Variants in NDST4 observed in about 807,000 individuals in gnomAD.
The protein encoded by NDST4 is N-deacetylase and N-sulfotransferase 4, also known as N-heparan sulfate sulfotransferase 4.
NDST4 carries 63 observed loss-of-function variants against 100.8 expected under a neutral mutation model. That is an observed-to-expected ratio of 0.62 (90% CI 0.51 to 0.77). The LOEUF is 0.77. Ranked by LOEUF, NDST4 falls within the 30% of genes least tolerant of loss-of-function variation. NDST4 has a pLI of 0.00. For synonymous variants in NDST4, 377 were observed against 361.8 expected, an observed-to-expected ratio of 1.04 and a Z score of -0.48; for missense variants, 943 against 1,018.4, an observed-to-expected ratio of 0.93 and a Z score of 1.01.
chr4:114,906,188 T>TA (rs995954559), intron 6 of NDST4, among the ~76,000 whole-genome samples: 1 of 151,892 alleles, frequency 6.6e-6, no homozygotes, highest in Non-Finnish European at 1.5e-5. Flanking sequence ...AATTCTATAT[T>TA]AAAAAAACAA....
chr4:114,839,320 A>G, intron 11 of NDST4, 58 bp downstream of exon 11: 1 of 1,456,298 alleles, frequency 6.9e-7, no homozygotes, highest in South Asian at 1.3e-5. Context: ...ATAATAAAAT[A>G]TAAAATTTCA....
At chr4:114,830,932 C>T (rs1419893285) in intron 12 of NDST4, among the ~76,000 whole-genome samples, 1 of 152,158 alleles carries the variant, frequency 6.6e-6, no homozygotes, top group Admixed American at 6.5e-5. Flanking sequence ...CTCTGCCCAA[C>T]CTATTATTAG....
intron 6 of NDST4, among the ~76,000 whole-genome samples, chr4:114,927,446 C>A (rs945269920): frequency 6.6e-6 from 1 of 151,896 alleles, no homozygotes; most frequent in Non-Finnish European, 1.5e-5. Context: ...TTAATTTATC[C>A]TTATATAATA....
intron 2 of NDST4, among the ~76,000 whole-genome samples, chr4:114,990,952 A>G (rs938440408): frequency 4.6e-5 from 7 of 152,016 alleles, no homozygotes; most frequent in Non-Finnish European, 8.8e-5. Context: ...TATTGCTCTA[A>G]GGCCTGAACA....
At chr4:114,880,535 G>C (rs988754751) in intron 6 of NDST4, among the ~76,000 whole-genome samples, 4 of 152,144 alleles carry the variant, frequency 2.6e-5, no homozygotes, top group Non-Finnish European at 5.9e-5. Flanking sequence ...ATCAGTGTAA[G>C]CTTCACTGAC....
chr4:115,055,524 G>A (rs955514055), intron 2 of NDST4, among the ~76,000 whole-genome samples: 1 of 152,092 alleles, frequency 6.6e-6, no homozygotes, highest in Admixed American at 6.6e-5. Context: ...TCATTTTGTT[G>A]TTTATTCATT....
chr4:114,847,607 C>T (rs1456979553), intron 9 of NDST4, among the ~76,000 whole-genome samples: 1 of 151,960 alleles, frequency 6.6e-6, no homozygotes, highest in Non-Finnish European at 1.5e-5. Flanking sequence ...GAGTGAAAAT[C>T]ATTTCCAGTA....
chr4:114,929,814 G>A (rs1446113612), intron 6 of NDST4, among the ~76,000 whole-genome samples: 1 of 149,734 alleles, frequency 6.7e-6, no homozygotes, highest in Non-Finnish European at 1.5e-5. Context: ...GGGGTATTGG[G>A]TTCAAAATAT....
intron 1 of NDST4, among the ~76,000 whole-genome samples, chr4:115,106,716 G>A (rs957300801): frequency 6.6e-6 from 1 of 152,062 alleles, no homozygotes; most frequent in African/African-American, 2.4e-5. Context: ...TGGACCCATG[G>A]ATACTAAGAA....
At chr4:114,877,879 G>T (rs1724289219) in intron 6 of NDST4, among the ~76,000 whole-genome samples, 1 of 151,972 alleles carries the variant, frequency 6.6e-6, no homozygotes, top group African/African-American at 2.4e-5. Flanking sequence ...TTCAACGCTG[G>T]AGGCAGAGTT....
intron 7 of NDST4, among the ~76,000 whole-genome samples, chr4:114,858,685 A>T (rs1405121302): frequency 6.6e-6 from 1 of 152,224 alleles, no homozygotes; most frequent in Non-Finnish European, 1.5e-5. Flanking sequence ...ATTTGAGTCC[A>T]GGAGTTGATG....
At chr4:115,043,330 A>G (rs1728393780) in intron 2 of NDST4, among the ~76,000 whole-genome samples, 1 of 152,096 alleles carries the variant, frequency 6.6e-6, no homozygotes, top group South Asian at 2.1e-4. Context: ...GATGATGTAC[A>G]TTTTAAGTTA....
chr4:115,027,102 A>T (rs1728003519), intron 2 of NDST4, among the ~76,000 whole-genome samples: 1 of 152,136 alleles, frequency 6.6e-6, no homozygotes, highest in African/African-American at 2.4e-5. Context: ...GAAGTTTATC[A>T]GCACTGTGGA....
At chr4:115,023,473 A>G (rs7684881) in intron 2 of NDST4, among the ~76,000 whole-genome samples, 44,622 of 144,634 alleles carry the variant, frequency 0.31, 7,007 homozygotes, top group South Asian at 0.52. Context: ...CAACAAGAGC[A>G]AAATTCCATC....
chr4:114,831,688 A>G (rs575784569), intron 12 of NDST4, among the ~76,000 whole-genome samples: 100 of 152,316 alleles, frequency 6.6e-4, no homozygotes, highest in Non-Finnish European at 1.1e-3. Context: ...CAGAGAAAGG[A>G]GAGCCCTCCA....
intron 1 of NDST4, among the ~76,000 whole-genome samples, chr4:115,110,246 A>C (rs2110347798): frequency 6.6e-6 from 1 of 152,094 alleles, no homozygotes; most frequent in East Asian, 1.9e-4. Flanking sequence ...GCTGAAAATA[A>C]CTTTTAAAAA....
At chr4:115,033,914 TAA>T (rs1728176971) in intron 2 of NDST4, among the ~76,000 whole-genome samples, 1 of 152,148 alleles carries the variant, frequency 6.6e-6, no homozygotes, top group Non-Finnish European at 1.5e-5. Context: ...TTAAACAACT[TAA>T]AGACTCAATA....
At chr4:115,019,118 T>C (rs1455782696) in intron 2 of NDST4, among the ~76,000 whole-genome samples, 2 of 152,076 alleles carry the variant, frequency 1.3e-5, no homozygotes, top group Non-Finnish European at 2.9e-5. Context: ...CATTAACTGG[T>C]TTTTATTTAA....
chr4:115,083,093 G>T (rs481915), intron 1 of NDST4, among the ~76,000 whole-genome samples: 38,924 of 151,702 alleles, frequency 0.26, 6,821 homozygotes, highest in African/African-American at 0.47. Context: ...TTTTTTTGTT[G>T]GCTTTTAAGA....
Sources: gnomAD v4.1 joint callset for allele counts (sites outside exome capture counted in the v4.1 genomes callset) on GRCh38, gnomAD v4.1.1 for gene constraint, MANE v1.5 for transcripts, NCBI Gene and HGNC (gene_info 2026-07-23, HGNC 2026-07-21) for gene names.